Variants in HHAT observed in about 807,000 individuals in gnomAD.
The protein encoded by HHAT is hedgehog acyltransferase, also known as protein-cysteine N-palmitoyltransferase HHAT.
In HHAT, 47 loss-of-function variants were observed where a neutral mutation model predicts 70.8. The observed-to-expected ratio is 0.66, with a 90% CI of 0.53 to 0.85. HHAT has a LOEUF of 0.85. Ranked by LOEUF, HHAT falls within the 40% of genes least tolerant of loss-of-function variation. HHAT has a pLI of 0.00. For missense variants in HHAT, 609 were observed against 604.8 expected (o/e 1.01, Z -0.07); for synonymous variants, 228 against 247.6 (o/e 0.92, Z 0.74).
At chr1:210,655,560 C>T (rs1322393217) in intron 11 of HHAT, among the ~76,000 whole-genome samples, 1 of 152,190 alleles carries the variant, frequency 6.6e-6, no homozygotes, top group Non-Finnish European at 1.5e-5. Context: ...CTCGGAGCAC[C>T]CACCAGGACT....
intron 2 of HHAT, among the ~76,000 whole-genome samples, chr1:210,353,254 A>G (rs887383974): frequency 2.3e-4 from 35 of 152,054 alleles, no homozygotes; most frequent in African/African-American, 8.2e-4. Flanking sequence ...TTTACATTTA[A>G]TGTGAAAATG....
intron 11 of HHAT, among the ~76,000 whole-genome samples, chr1:210,649,245 ACACCCAGGATCCC>A (rs957618303): frequency 6.6e-6 from 1 of 152,212 alleles, no homozygotes; most frequent in Non-Finnish European, 1.5e-5. Context: ...ACCACTCAGC[ACACCCAGGATCCC>A]CTTTTACTTT....
intron 7 of HHAT, among the ~76,000 whole-genome samples, chr1:210,447,312 T>C (rs1393339206): frequency 6.6e-6 from 1 of 152,224 alleles, no homozygotes; most frequent in Non-Finnish European, 1.5e-5. Context: ...TCTACTGGTT[T>C]ATTACAAGTA....
intron 8 of HHAT, among the ~76,000 whole-genome samples, chr1:210,500,645 G>T (rs944351778): frequency 6.6e-6 from 1 of 152,196 alleles, no homozygotes; most frequent in African/African-American, 2.4e-5. Flanking sequence ...GGCAACCTGG[G>T]CAGAAAGATC....
At position 210,645,412 on chromosome 1, in the gene HHAT, G is replaced by A. The variant is rs975460002; in HGVS notation, c.1390+21742G>A. ...CCTGCCTCAGCCTCCTGAGTAGCTGGGACTACAGGCGCCTACCACCACACC... is the reference window on the plus strand; with the variant it reads ...CCTGCCTCAGCCTCCTGAGTAGCTGAGACTACAGGCGCCTACCACCACACC... On this transcript the variant is annotated intron_variant, in intron 11 of 11. Coordinates refer to ENST00000261458, the MANE Select transcript of HHAT (RefSeq NM_018194.6). Among the ~76,000 whole-genome samples, 4 of 152,044 alleles carry A rather than the reference G, an allele frequency of 2.6e-5. No individual in the cohort carries two copies. In the East Asian group the frequency reaches 5.8e-4, roughly 22 times the overall value.
intron 10 of HHAT, among the ~76,000 whole-genome samples, chr1:210,594,895 ATCT>A (rs2148806125): frequency 6.6e-6 from 1 of 152,032 alleles, no homozygotes; most frequent in African/African-American, 2.4e-5. Flanking sequence ...CCATTGAAAA[ATCT>A]TCTGCCAGAT....
At chr1:210,507,656 G>C (rs1312213577) in intron 8 of HHAT, among the ~76,000 whole-genome samples, 1 of 151,954 alleles carries the variant, frequency 6.6e-6, no homozygotes, top group Non-Finnish European at 1.5e-5. Flanking sequence ...ACCGCACCTG[G>C]CCATGAGAAT....
intron 10 of HHAT, among the ~76,000 whole-genome samples, chr1:210,619,211 G>A (rs887094449): frequency 6.6e-6 from 1 of 152,070 alleles, no homozygotes; most frequent in Non-Finnish European, 1.5e-5. Context: ...GTCATGTACC[G>A]TAGAGACCAT....
At chr1:210,600,417 T>C (rs1663984675) in intron 10 of HHAT, among the ~76,000 whole-genome samples, 1 of 152,182 alleles carries the variant, frequency 6.6e-6, no homozygotes, top group South Asian at 2.1e-4. Flanking sequence ...TGGGGGACTA[T>C]CTTACTAAGC....
intron 11 of HHAT, among the ~76,000 whole-genome samples, chr1:210,672,614 C>A (rs1227952772): frequency 2.0e-5 from 3 of 152,194 alleles, no homozygotes; most frequent in Admixed American, 2.0e-4. Context: ...CTGTGTCTTT[C>A]CCTTTCGGCA....
At chr1:210,528,025 G>A (rs187348112) in intron 9 of HHAT, among the ~76,000 whole-genome samples, 20 of 152,310 alleles carry the variant, frequency 1.3e-4, no homozygotes, top group African/African-American at 3.8e-4. Flanking sequence ...AACCCTACTT[G>A]TTCTTGGAAC....
chr1:210,660,158 A>G lies in HHAT; in HGVS notation c.1391-14130A>G, dbSNP rs1677341364. On this transcript the variant is annotated intron_variant, in intron 11 of 11. Coordinates refer to ENST00000261458, the MANE Select transcript of HHAT (RefSeq NM_018194.6). The stretch of plus-strand genomic sequence containing the variant: ...TTGCAGAAGACATGATTGTATATTT[A>G]GAAAACCCCATTGTCTCAGCCGAAA... Among the ~76,000 whole-genome samples the G allele has an allele frequency of 2.0e-5, 3 of 152,242 alleles. No homozygotes were observed. In the South Asian group the frequency reaches 6.2e-4, roughly 31 times the overall value.
intron 11 of HHAT, 109 bp downstream of exon 11, chr1:210,623,779 T>A: frequency 1.7e-6 from 2 of 1,174,738 alleles, no homozygotes; most frequent in East Asian, 4.8e-5. Context: ...CATTGTTATG[T>A]TCATGGCATG....
At chr1:210,327,821 T>C (rs978490301), upstream of HHAT, among the ~76,000 whole-genome samples, 8 of 152,212 alleles carry the variant, frequency 5.3e-5, no homozygotes, top group Admixed American at 5.2e-4. Context: ...TCAATTTTAA[T>C]TGAGTATGCT....
At chr1:210,669,712 C>G (rs989914822) in intron 11 of HHAT, among the ~76,000 whole-genome samples, 4 of 152,246 alleles carry the variant, frequency 2.6e-5, no homozygotes, top group African/African-American at 9.6e-5. Context: ...CAGGAAATTA[C>G]ACATATTGAT....
chr1:210,457,611 C>A (rs984629880), intron 7 of HHAT, among the ~76,000 whole-genome samples: 1 of 152,134 alleles, frequency 6.6e-6, no homozygotes, highest in Non-Finnish European at 1.5e-5. Flanking sequence ...GCAAAGATGG[C>A]AGCTCTGCAG....
chr1:210,605,504 T>C (rs572128320), intron 10 of HHAT, among the ~76,000 whole-genome samples: 1 of 152,340 alleles, frequency 6.6e-6, no homozygotes, highest in East Asian at 1.9e-4. Context: ...TCAACCTGTT[T>C]ATTAAATAAC....
chr1:210,554,239 A>T (rs1163071236), intron 9 of HHAT, among the ~76,000 whole-genome samples: 1 of 152,166 alleles, frequency 6.6e-6, no homozygotes. Context: ...TGCCCCTTTT[A>T]AGGTCTGTCA....
chr1:210,405,706 A>C (rs1000168913), intron 6 of HHAT, among the ~76,000 whole-genome samples: 4 of 152,226 alleles, frequency 2.6e-5, no homozygotes, highest in Non-Finnish European at 5.9e-5. Context: ...TTTTTGCATT[A>C]TAACAATAAC....
Sources: gnomAD v4.1 joint callset for allele counts (sites outside exome capture counted in the v4.1 genomes callset) on GRCh38, gnomAD v4.1.1 for gene constraint, MANE v1.5 for transcripts, NCBI Gene and HGNC (gene_info 2026-07-23, HGNC 2026-07-21) for gene names.